Variants in GMDS observed in about 807,000 individuals in gnomAD.
GMDS encodes GDP-mannose 4,6-dehydratase, also known as GDP-mannose 4,6 dehydratase.
Under a neutral mutation model 49.9 loss-of-function variants are expected in GMDS, and 20 were observed. The observed-to-expected ratio is 0.40, with a 90% CI of 0.28 to 0.58. GMDS has a LOEUF of 0.58. Among genes scored for constraint, GMDS ranks in the 20% least tolerant of loss-of-function variants. The pLI is 0.42. For missense variants in GMDS, 362 were observed against 481.4 expected (o/e 0.75, Z 2.32); for synonymous variants, 177 against 178.6 (o/e 0.99, Z 0.07).
intron 1 of GMDS, among the ~76,000 whole-genome samples, chr6:2,151,321 T>C (rs1290861892): frequency 2.0e-5 from 3 of 152,010 alleles, no homozygotes; most frequent in Non-Finnish European, 4.4e-5. Context: ...AAATTAAAAA[T>C]CAAAAACTTA....
chr6:2,081,584 G>GA (rs143527333), intron 4 of GMDS, among the ~76,000 whole-genome samples: 2 of 149,948 alleles, frequency 1.3e-5, no homozygotes, highest in East Asian at 2.0e-4. Context: ...CTTTGAGGGG[G>GA]AAAAAAAAAG....
intron 4 of GMDS, among the ~76,000 whole-genome samples, chr6:2,020,083 T>C (rs575793203): frequency 6.6e-6 from 1 of 152,320 alleles, no homozygotes; most frequent in South Asian, 2.1e-4. Flanking sequence ...TTTGAAACCA[T>C]ATGTTTAACC....
chr6:2,149,986 T>C (rs1386802736), intron 1 of GMDS, among the ~76,000 whole-genome samples: 1 of 152,188 alleles, frequency 6.6e-6, no homozygotes, highest in Non-Finnish European at 1.5e-5. Flanking sequence ...CTATTTTGGT[T>C]TGCTGTATAG....
chr6:1,912,927 A>T (rs1761144264), intron 7 of GMDS, among the ~76,000 whole-genome samples: 1 of 152,210 alleles, frequency 6.6e-6, no homozygotes. Flanking sequence ...AGCATTACAC[A>T]TTGCCCTTCT....
chr6:1,643,680 T>C (rs2113191120), intron 9 of GMDS, among the ~76,000 whole-genome samples: 1 of 152,192 alleles, frequency 6.6e-6, no homozygotes, highest in East Asian at 1.9e-4. Context: ...TGCTAATGGT[T>C]ATGGAGTTTT....
intron 6 of GMDS, chr6:1,952,192 G>C: frequency 6.2e-6 from 1 of 160,848 alleles, no homozygotes; most frequent in Non-Finnish European, 1.3e-5. Flanking sequence ...GGGTATTTTG[G>C]GAGAATACCT....
At chr6:1,880,849 T>G in intron 7 of GMDS, among the ~76,000 whole-genome samples, 1 of 152,286 alleles carries the variant, frequency 6.6e-6, no homozygotes, top group East Asian at 1.9e-4. Flanking sequence ...CTACCCATTA[T>G]AATATCTCCA....
chr6:1,786,023 C>T (rs889330179), intron 7 of GMDS, among the ~76,000 whole-genome samples: 3 of 152,012 alleles, frequency 2.0e-5, no homozygotes, highest in Non-Finnish European at 4.4e-5. Context: ...AATATGACAG[C>T]GGTAAAGGAA....
At chr6:2,159,558 G>A (rs1368980677) in intron 1 of GMDS, among the ~76,000 whole-genome samples, 6 of 123,786 alleles carry the variant, frequency 4.8e-5, no homozygotes, top group South Asian at 2.5e-4. Flanking sequence ...TTGCTCTGCC[G>A]GCCAGGCTGG....
At position 1,640,633 on chromosome 6, in the gene GMDS, G is replaced by GGTTCCAGA. The variant is rs1308405193; in HGVS notation, c.988-16101_988-16094dup. On this transcript the variant is annotated intron_variant, in intron 9 of 10. Coordinates refer to ENST00000380815, the MANE Select transcript of GMDS (RefSeq NM_001500.4). The surrounding 1 kb of genome is among the most constrained non-coding windows in gnomAD (Gnocchi z 4.0). Reference sequence around the variant, plus strand: ...CAGCAGGGCAGGCTGTCTCAGGTGTGGTTCCAGAGCACATGGAATGTGCCC... The same window carrying GGTTCCAGA: ...CAGCAGGGCAGGCTGTCTCAGGTGTGGTTCCAGAGTTCCAGAGCACATGGAATGTGCCC... Among the ~76,000 whole-genome samples the GGTTCCAGA allele has an allele frequency of 6.6e-6, 1 of 152,196 alleles. No homozygotes were observed. Among genetic ancestry groups the GGTTCCAGA allele is most frequent in the Non-Finnish European group, 1.5e-5 (1 of 68,036 alleles).
At chr6:2,107,476 G>A (rs1337939664) in intron 4 of GMDS, among the ~76,000 whole-genome samples, 7 of 152,098 alleles carry the variant, frequency 4.6e-5, no homozygotes, top group East Asian at 1.9e-4. Context: ...ATTTACAATC[G>A]TGGTGTTTAT....
At chr6:2,122,218 A>G (rs957984647) in intron 2 of GMDS, among the ~76,000 whole-genome samples, 2 of 152,166 alleles carry the variant, frequency 1.3e-5, no homozygotes, top group African/African-American at 4.8e-5. Flanking sequence ...CTAAACCTTT[A>G]GTTGTGGTGG....
Position 1,725,362 on chromosome 6 carries a change from T to C in GMDS, c.987+1054A>G, listed in dbSNP as rs774946207. Among the ~76,000 whole-genome samples the C allele has an allele frequency of 7.5e-4, 115 of 152,362 alleles. No individual in the cohort carries two copies. In the Middle Eastern group the frequency reaches 0.01, roughly 14 times the overall value. On this transcript the variant is annotated intron_variant, in intron 9 of 10. Transcript: ENST00000380815. ...TTTGTAACACAGGAAGTTCTGTATT[T>C]AGAAATTCGCCCATCCATCTAGCAA...
At chr6:1,902,792 A>G (rs1466647862) in intron 7 of GMDS, among the ~76,000 whole-genome samples, 1 of 152,222 alleles carries the variant, frequency 6.6e-6, no homozygotes, top group East Asian at 1.9e-4. Context: ...CACTCAAATT[A>G]AACCATAATA....
intron 1 of GMDS, among the ~76,000 whole-genome samples, chr6:2,161,946 A>G (rs147895921): frequency 1.7e-3 from 255 of 152,340 alleles, no homozygotes; most frequent in Non-Finnish European, 2.4e-3. Context: ...CTTGCCACAG[A>G]TAAGCTACAA....
At chr6:2,169,424 T>C (rs1334422283) in intron 1 of GMDS, among the ~76,000 whole-genome samples, 5 of 151,818 alleles carry the variant, frequency 3.3e-5, no homozygotes, top group African/African-American at 1.2e-4. Flanking sequence ...TTGGCCAACA[T>C]GGTAAGACCC....
At chr6:2,042,839 C>A (rs966527711) in intron 4 of GMDS, among the ~76,000 whole-genome samples, 1 of 152,162 alleles carries the variant, frequency 6.6e-6, no homozygotes, top group South Asian at 2.1e-4. Flanking sequence ...ACTTTCCACT[C>A]GGACTCGTTT....
chr6:1,797,100 G>A (rs1422938902), intron 7 of GMDS, among the ~76,000 whole-genome samples: 1 of 152,218 alleles, frequency 6.6e-6, no homozygotes, highest in African/African-American at 2.4e-5. Context: ...CTGCAAGCGA[G>A]CATTACTGCC....
chr6:1,908,151 A>G (rs1328349910), intron 7 of GMDS, among the ~76,000 whole-genome samples: 1 of 152,210 alleles, frequency 6.6e-6, no homozygotes, highest in Non-Finnish European at 1.5e-5. Context: ...GGTGGGGAAC[A>G]TCGACAGTGG....
Sources: gnomAD v4.1 joint callset for allele counts (sites outside exome capture counted in the v4.1 genomes callset) on GRCh38, gnomAD v4.1.1 for gene constraint, Gnocchi (gnomAD v3.1) non-coding constraint, MANE v1.5 for transcripts, NCBI Gene and HGNC (gene_info 2026-07-23, HGNC 2026-07-21) for gene names.